Variants in CHODL observed in about 807,000 individuals in gnomAD.
CHODL encodes the protein transmembrane protein MT75.
A neutral mutation model predicts 34.5 loss-of-function variants in CHODL; 29 were observed. That is an observed-to-expected ratio of 0.84 (90% CI 0.63 to 1.15). The LOEUF (loss-of-function observed/expected upper bound fraction) is 1.15, where lower values mean the gene tolerates loss of function less well. CHODL is among the 50% of genes most tolerant of loss of function. The pLI is 0.00. For synonymous variants in CHODL, 125 were observed against 116.1 expected, an observed-to-expected ratio of 1.08 and a Z score of -0.49; for missense variants, 332 against 332.5, an observed-to-expected ratio of 1.00 and a Z score of 0.01.
intron 2 of CHODL, among the ~76,000 whole-genome samples, chr21:18,226,029 C>T (rs996236125): frequency 2.0e-5 from 3 of 151,868 alleles, no homozygotes; most frequent in Admixed American, 1.3e-4. Flanking sequence ...GAATCTAGCC[C>T]GTTGGGGAGA....
rs201666293 is a variant in CHODL, at chr21:18,256,812, A to G, written c.383A>G (p.Gln128Arg). ...LYQWSDGSNSQYRNWYTDEPS... is the reference protein window; with the variant it reads ...LYQWSDGSNSRYRNWYTDEPS... ...CAGTGGTCTGATGGAAGCAATTCCCAGTACCGGTGAGTATGGATCTTGAGC... is the reference window on the plus strand; with the variant it reads ...CAGTGGTCTGATGGAAGCAATTCCCGGTACCGGTGAGTATGGATCTTGAGC... Residue 128 changes from glutamine to arginine, a missense_variant, in exon 2 of 6, where the codon CAG becomes CGG. Transcript: ENST00000299295. 2 of 1,612,268 alleles carry G rather than the reference A, an allele frequency of 1.2e-6. No individual in the cohort carries two copies. Among genetic ancestry groups the G allele is most frequent in the Non-Finnish European group, 1.7e-6 (2 of 1,178,980 alleles).
At chr21:17,951,413 C>T (rs1717284798) in intron 1 of CHODL, among the ~76,000 whole-genome samples, 1 of 152,172 alleles carries the variant, frequency 6.6e-6, no homozygotes, top group Admixed American at 6.5e-5. Context: ...CGTCATCAAA[C>T]TTCAATACTG....
At chr21:17,997,814 T>G (rs964208008) in intron 1 of CHODL, among the ~76,000 whole-genome samples, 1 of 151,566 alleles carries the variant, frequency 6.6e-6, no homozygotes, top group Admixed American at 6.6e-5. Context: ...CTCCAGCCCC[T>G]CCCACAACAC....
At chr21:17,944,972 G>A (rs4564871) in intron 1 of CHODL, among the ~76,000 whole-genome samples, 118,616 of 152,132 alleles carry the variant, frequency 0.78, 47,123 homozygotes, top group East Asian at 0.99. Context: ...GCACTTTGGA[G>A]GGCCAAGGCG....
intron 2 of CHODL, among the ~76,000 whole-genome samples, chr21:18,208,883 C>T (rs2073743295): frequency 6.7e-6 from 1 of 149,996 alleles, no homozygotes; most frequent in South Asian, 2.2e-4. Context: ...CACCCCCGCC[C>T]CTCTGTGCTG....
intron 2 of CHODL, among the ~76,000 whole-genome samples, chr21:18,146,094 G>C (rs192494348): frequency 6.6e-6 from 1 of 151,456 alleles, no homozygotes; most frequent in African/African-American, 2.4e-5. Flanking sequence ...CCAGCCTCCC[G>C]AGTAGCTGAG....
intron 2 of CHODL, among the ~76,000 whole-genome samples, chr21:18,105,731 GAGAA>G (rs2065265131): frequency 6.6e-6 from 1 of 152,164 alleles, no homozygotes; most frequent in South Asian, 2.1e-4. Flanking sequence ...AATTAATACA[GAGAA>G]AGAAATACAA....
chr21:18,253,748 C>T (rs370902436), intron 1 of CHODL, among the ~76,000 whole-genome samples: 1 of 152,080 alleles, frequency 6.6e-6, no homozygotes, highest in South Asian at 2.1e-4. Flanking sequence ...GATTTGTCCT[C>T]CTGAAGTTTC....
intron 2 of CHODL, among the ~76,000 whole-genome samples, chr21:18,177,227 A>T (rs1292386661): frequency 6.6e-6 from 1 of 152,062 alleles, no homozygotes; most frequent in African/African-American, 2.4e-5. Flanking sequence ...TAAATATATT[A>T]TGGTAAATCC....
intron 1 of CHODL, among the ~76,000 whole-genome samples, chr21:17,990,227 A>G (rs1467482349): frequency 2.0e-5 from 3 of 152,068 alleles, no homozygotes; most frequent in Admixed American, 6.5e-5. Context: ...ATCTGTATAT[A>G]TATCTCCTCT....
At position 18,180,553 on chromosome 21, in the gene CHODL, C is replaced by T. The variant is rs200853781; in HGVS notation, c.-44-75956C>T. Among the ~76,000 whole-genome samples the T allele has an allele frequency of 3.9e-5, 6 of 152,324 alleles. No homozygotes were observed. The East Asian group carries it at 1.2e-3, about 29-fold the overall frequency. On this transcript the variant is annotated intron_variant, in intron 2 of 6. Coordinates refer to the CHODL transcript ENST00000400127. ...CAAAGTAGAAGTAACCTTGTATCTT[C>T]TTACGGTACATTATTACGTAGTTAT...
intron 2 of CHODL, among the ~76,000 whole-genome samples, chr21:18,070,151 A>C (rs2064785814): frequency 6.6e-6 from 1 of 151,354 alleles, no homozygotes; most frequent in African/African-American, 2.4e-5. Flanking sequence ...TGATGGGTGC[A>C]CCAAAATCTC....
intron 1 of CHODL, among the ~76,000 whole-genome samples, chr21:17,998,767 T>C (rs375871563): frequency 9.2e-5 from 14 of 152,340 alleles, no homozygotes; most frequent in African/African-American, 3.4e-4. Context: ...GTCTCTAGGC[T>C]GCATACAGCT....
At chr21:18,109,758 G>T (rs190078074) in intron 2 of CHODL, among the ~76,000 whole-genome samples, 10 of 152,236 alleles carry the variant, frequency 6.6e-5, no homozygotes, top group African/African-American at 2.4e-4. Context: ...AATGGACAGA[G>T]AATGGATGAA....
At chr21:18,011,607 A>T (rs977601537) in intron 1 of CHODL, among the ~76,000 whole-genome samples, 2 of 152,292 alleles carry the variant, frequency 1.3e-5, no homozygotes, top group Middle Eastern at 3.4e-3. Flanking sequence ...CTGAAGGGCA[A>T]TATTTTTATT....
At chr21:18,083,730 C>T (rs1235525782) in intron 2 of CHODL, among the ~76,000 whole-genome samples, 1 of 152,134 alleles carries the variant, frequency 6.6e-6, no homozygotes, top group African/African-American at 2.4e-5. Flanking sequence ...GGCATGTGGC[C>T]CTTTGTTTTG....
chr21:17,919,347 C>G (rs2063166084), intron 1 of CHODL, among the ~76,000 whole-genome samples: 1 of 152,214 alleles, frequency 6.6e-6, no homozygotes, highest in South Asian at 2.1e-4. Flanking sequence ...CATACATCCT[C>G]TGACATCTAG....
intron 2 of CHODL, among the ~76,000 whole-genome samples, chr21:18,075,762 T>C (rs528604719): frequency 2.6e-5 from 4 of 152,256 alleles, no homozygotes; most frequent in Admixed American, 2.6e-4. Context: ...CTAAATGTTA[T>C]TGTACCCCCA....
chr21:17,973,695 T>C (rs762467829), intron 1 of CHODL, among the ~76,000 whole-genome samples: 2 of 151,564 alleles, frequency 1.3e-5, no homozygotes, highest in African/African-American at 2.4e-5. Flanking sequence ...GCTGGGATCA[T>C]AGGCGTGAGC....
Sources: gnomAD v4.1 joint callset for allele counts (sites outside exome capture counted in the v4.1 genomes callset) on GRCh38, gnomAD v4.1.1 for gene constraint, MANE v1.5 for transcripts, NCBI Gene and HGNC (gene_info 2026-07-23, HGNC 2026-07-21) for gene names.